SPATA19: variants seen among roughly 807,000 people sequenced by gnomAD.
SPATA19 encodes the protein spermatogenesis-associated protein 19, mitochondrial.
Under a neutral mutation model 25.0 loss-of-function variants are expected in SPATA19, and 19 were observed. The observed-to-expected ratio is 0.76, with a 90% CI of 0.53 to 1.11. The LOEUF (loss-of-function observed/expected upper bound fraction) is 1.11. Ranked by LOEUF, SPATA19 falls within the 50% of genes most tolerant of loss-of-function variation. The pLI, the probability that SPATA19 is intolerant of heterozygous loss-of-function variation, is 0.00. For synonymous variants in SPATA19, 64 were observed against 69.3 expected, an observed-to-expected ratio of 0.92 and a Z score of 0.38; for missense variants, 222 against 211.4, an observed-to-expected ratio of 1.05 and a Z score of -0.31.
At chr11:133,838,500 C>T (rs1938246526), downstream of SPATA19, among the ~76,000 whole-genome samples, 1 of 152,118 alleles carries the variant, frequency 6.6e-6, no homozygotes, top group East Asian at 1.9e-4. Flanking sequence ...AAACTGGATC[C>T]CTTCCTTACA....
chr11:133,840,219 G>A (rs1439367702), downstream of SPATA19, among the ~76,000 whole-genome samples: 3 of 133,622 alleles, frequency 2.2e-5, no homozygotes, highest in Admixed American at 1.5e-4. Context: ...TTCAAAAGAA[G>A]GACAAATAAA....
downstream of SPATA19, among the ~76,000 whole-genome samples, chr11:133,840,050 G>A (rs1938275289): frequency 6.6e-6 from 1 of 152,046 alleles, no homozygotes; most frequent in Non-Finnish European, 1.5e-5. Context: ...AAAATTTCTT[G>A]AAAGGGAAAA....
intron 6 of SPATA19, among the ~76,000 whole-genome samples, chr11:133,841,346 C>G (rs2723605): frequency 0.34 from 52,091 of 152,050 alleles, 9,741 homozygotes; most frequent in East Asian, 0.61. Context: ...TACAGTAAGT[C>G]CTTGATAAAT....
At chr11:133,836,100 A>G (rs2851118), downstream of SPATA19, among the ~76,000 whole-genome samples, 2 of 151,934 alleles carry the variant, frequency 1.3e-5, no homozygotes, top group African/African-American at 4.8e-5. Context: ...ACATGGCCCA[A>G]CCGGCCTCTT....
intron 5 of SPATA19, 123 bp from the exon 6 acceptor site, chr11:133,842,228 G>A: frequency 4.1e-6 from 4 of 970,740 alleles, no homozygotes; most frequent in South Asian, 4.0e-5. Context: ...GCCACACTGG[G>A]CCTGGGAGCA....
At chr11:133,843,342 T>C (rs1938351857) in intron 4 of SPATA19, among the ~76,000 whole-genome samples, 2 of 152,120 alleles carry the variant, frequency 1.3e-5, no homozygotes, top group Admixed American at 6.5e-5. Flanking sequence ...ACAACATTTA[T>C]GATTTTAGGG....
rs758222574 is a variant in SPATA19 at position 133,842,489 on chromosome 11, G to C, written c.433C>G (p.Arg145Gly). 6.2e-7 allele frequency: 1 copy of C among 1,613,264 alleles called. No homozygotes were observed. The highest frequency in any genetic ancestry group is 8.5e-7 in the Non-Finnish European group (1 of 1,179,310). The change falls in exon 5 of 7, where the codon CGA becomes GGA. Residue 145 changes from arginine to glycine, a missense_variant. Coordinates refer to ENST00000299140, the MANE Select transcript of SPATA19 (RefSeq NM_174927.3). ...AAGCAGTTCCAAACAGCTTACCTTC[G>C]TCTCACCTGCTCTATTCGATCTCGC... ...IMRDRIEQVRRSISRLTDVSA... is the reference protein window; with the variant it reads ...IMRDRIEQVRGSISRLTDVSA...
chr11:133,842,237 C>T (rs991493301), intron 5 of SPATA19, 132 bp from the exon 6 acceptor site: 2 of 912,662 alleles, frequency 2.2e-6, no homozygotes, highest in Admixed American at 3.7e-5. Context: ...GGCCTGGGAG[C>T]ACAGTCATAT....
chr11:133,839,466 G>A (rs1235633075), downstream of SPATA19, among the ~76,000 whole-genome samples: 2 of 150,564 alleles, frequency 1.3e-5, no homozygotes, highest in African/African-American at 4.9e-5. Flanking sequence ...TCACTCATAG[G>A]TGGGAATTGA....
chr11:133,842,185 T>C, intron 5 of SPATA19, 80 bp from the exon 6 acceptor site: 1 of 1,434,856 alleles, frequency 7.0e-7, no homozygotes, highest in South Asian at 1.1e-5. Flanking sequence ...GCACAGGGGC[T>C]GCGGTGGGAG....
intron 6 of SPATA19, among the ~76,000 whole-genome samples, chr11:133,841,421 C>G (rs1938306060): frequency 6.6e-6 from 1 of 152,210 alleles, no homozygotes; most frequent in Admixed American, 6.5e-5. Context: ...AAATCTCTCC[C>G]TTAGCCGCAG....
intron 2 of SPATA19, 84 bp downstream of exon 2, chr11:133,845,050 A>C: frequency 8.5e-7 from 1 of 1,174,300 alleles, no homozygotes. Flanking sequence ...AGTTCCATGA[A>C]GAAGGAAGTC....
rs758040741 is a variant in SPATA19, at chr11:133,845,135, T to C, written c.134A>G (p.Lys45Arg). ...AVSVLHHWLK[K>R]TEEEASRGIK... Reference sequence around the variant, plus strand: ...GAGTCATAAAGAAATCTTACTCACTTTTTTCAACCAATGATGTAGTACAGA... The same window carrying C: ...GAGTCATAAAGAAATCTTACTCACTCTTTTCAACCAATGATGTAGTACAGA... The change falls in exon 2 of 7, where the codon AAA becomes AGA. Residue 45 changes from lysine (K) to arginine (R), a missense_variant and splice_region_variant. Coordinates refer to ENST00000299140, the MANE Select transcript of SPATA19 (RefSeq NM_174927.3). 8.7e-6 allele frequency: 14 copies of C among 1,613,634 alleles called. No individual in the cohort carries two copies. The highest frequency in any genetic ancestry group is 6.7e-5 in the Admixed American group (4 of 59,948).
At chr11:133,844,484 G>A (rs1938377068) in intron 3 of SPATA19, 25 bp downstream of exon 3, 1 of 1,614,068 alleles carries the variant, frequency 6.2e-7, no homozygotes, top group African/African-American at 1.3e-5. Context: ...GCTACTCCCA[G>A]GCAAGGTCTC....
At chr11:133,837,596 G>T (rs1457039531), downstream of SPATA19, among the ~76,000 whole-genome samples, 2 of 152,150 alleles carry the variant, frequency 1.3e-5, no homozygotes, top group Non-Finnish European at 2.9e-5. Context: ...CCAGGGCCAA[G>T]CCAGCCTGGG....
intron 4 of SPATA19, among the ~76,000 whole-genome samples, chr11:133,843,739 C>A (rs977174540): frequency 2.0e-5 from 3 of 152,182 alleles, no homozygotes; most frequent in African/African-American, 7.2e-5. Context: ...CAGGCCAGCT[C>A]CCTGGGCCTC....
chr11:133,838,143 A>G (rs1303344063), downstream of SPATA19, among the ~76,000 whole-genome samples: 1 of 152,266 alleles, frequency 6.6e-6, no homozygotes, highest in Non-Finnish European at 1.5e-5. Flanking sequence ...AAGCAAGTAT[A>G]GAAACCAGTC....
At chr11:133,836,162 T>C (rs1370771557), downstream of SPATA19, among the ~76,000 whole-genome samples, 1 of 152,128 alleles carries the variant, frequency 6.6e-6, no homozygotes, top group Non-Finnish European at 1.5e-5. Context: ...CTAGCCAGAA[T>C]AGGTTTTTGG....
At chr11:133,844,100 AT>A (rs1938366788) in intron 4 of SPATA19, 145 bp downstream of exon 4, 3 of 663,204 alleles carry the variant, frequency 4.5e-6, no homozygotes, top group African/African-American at 1.8e-5. Context: ...TAGCAAGGAT[AT>A]TCCCTTAAGA....
Sources: allele counts gnomAD v4.1 joint callset (sites outside exome capture counted in the v4.1 genomes callset), GRCh38; gene constraint gnomAD v4.1.1; transcripts MANE v1.5; gene names NCBI Gene and HGNC (gene_info 2026-07-23, HGNC 2026-07-21).